The following KDM2A variants were observed in gnomAD, a reference collection of about 807,000 sequenced individuals.
KDM2A encodes lysine-specific demethylase 2A.
KDM2A carries 3 observed loss-of-function variants against 137.3 expected under a neutral mutation model. The ratio of observed to expected loss-of-function variants is 0.02; its 90% CI spans 0.01 to 0.06. The LOEUF is 0.06. KDM2A is among the 10% of genes least tolerant of loss of function. KDM2A has a pLI of 1.00. For synonymous variants in KDM2A, 512 were observed against 541.5 expected (o/e 0.95, Z 0.76); for missense variants, 738 against 1,510.6 (o/e 0.49, Z 8.48).
At chr11:67,242,055 CAG>C (rs1470472885) in intron 12 of KDM2A, among the ~76,000 whole-genome samples, 2 of 152,142 alleles carry the variant, frequency 1.3e-5, no homozygotes, top group East Asian at 1.9e-4. Flanking sequence ...GCCTGAGCAA[CAG>C]AGTGAGACTC....
chr11:67,163,112 T>G (rs568127609), intron 2 of KDM2A, among the ~76,000 whole-genome samples: 1 of 152,218 alleles, frequency 6.6e-6, no homozygotes. Flanking sequence ...CTAGTCAGAC[T>G]GATATCCAGA....
At chr11:67,177,214 C>G (rs531864434) in intron 2 of KDM2A, among the ~76,000 whole-genome samples, 1 of 152,086 alleles carries the variant, frequency 6.6e-6, no homozygotes, top group African/African-American at 2.4e-5. Context: ...TGCAGAGAGC[C>G]GAGATCACTC....
intron 2 of KDM2A, among the ~76,000 whole-genome samples, chr11:67,121,789 A>G (rs953089796): frequency 3.9e-5 from 6 of 152,182 alleles, no homozygotes; most frequent in Non-Finnish European, 8.8e-5. Flanking sequence ...TTGAGCGGGG[A>G]GAACTATGGA....
At chr11:67,189,087 C>A (rs1857280600) in intron 5 of KDM2A, among the ~76,000 whole-genome samples, 1 of 152,088 alleles carries the variant, frequency 6.6e-6, no homozygotes, top group African/African-American at 2.4e-5. Flanking sequence ...CAGACAGAAT[C>A]CTACCTAACA....
At chr11:67,253,873 A>C (rs1590834089) in intron 19 of KDM2A, among the ~76,000 whole-genome samples, 1 of 152,130 alleles carries the variant, frequency 6.6e-6, no homozygotes, top group Non-Finnish European at 1.5e-5. Flanking sequence ...AAGTCTGAGA[A>C]GGCTTTATGG....
intron 5 of KDM2A, among the ~76,000 whole-genome samples, chr11:67,200,431 A>G (rs887583017): frequency 6.6e-6 from 1 of 152,082 alleles, no homozygotes; most frequent in East Asian, 1.9e-4. Flanking sequence ...GTTAGCCAGG[A>G]TGATCGCGAT....
chr11:67,173,547 A>C (rs999290118), intron 2 of KDM2A, among the ~76,000 whole-genome samples: 1 of 151,610 alleles, frequency 6.6e-6, no homozygotes, highest in Non-Finnish European at 1.5e-5. Flanking sequence ...GTGAGCCACC[A>C]TGCCCAGCCA....
At chr11:67,251,289 A>G (rs1031975541) in intron 17 of KDM2A, among the ~76,000 whole-genome samples, 4 of 152,042 alleles carry the variant, frequency 2.6e-5, no homozygotes, top group Non-Finnish European at 4.4e-5. Context: ...GGTGCTTAAC[A>G]TTTTTCTTCA....
chr11:67,182,206 T>G (rs1284916881), intron 5 of KDM2A, among the ~76,000 whole-genome samples: 2 of 152,190 alleles, frequency 1.3e-5, no homozygotes, highest in East Asian at 3.8e-4. Context: ...GAAAGAAGTT[T>G]CATTAATATC....
chr11:67,175,911 C>G (rs1016157578), intron 2 of KDM2A, among the ~76,000 whole-genome samples: 2 of 152,082 alleles, frequency 1.3e-5, no homozygotes, highest in Non-Finnish European at 2.9e-5. Context: ...TCTTCAGAGA[C>G]ACATATACAA....
At chr11:67,209,957 G>C (rs1590788343) in intron 6 of KDM2A, among the ~76,000 whole-genome samples, 1 of 152,238 alleles carries the variant, frequency 6.6e-6, no homozygotes, top group Non-Finnish European at 1.5e-5. Context: ...TTACTCAAGA[G>C]ACCGAGGTGG....
intron 6 of KDM2A, among the ~76,000 whole-genome samples, chr11:67,209,745 A>G (rs1284050091): frequency 1.3e-5 from 2 of 152,080 alleles, no homozygotes; most frequent in African/African-American, 4.8e-5. Flanking sequence ...TACCCGGCCA[A>G]TTTCCAGAAT....
At chr11:67,151,557 G>A (rs1856391036) in intron 2 of KDM2A, among the ~76,000 whole-genome samples, 1 of 151,756 alleles carries the variant, frequency 6.6e-6, no homozygotes, top group Non-Finnish European at 1.5e-5. Flanking sequence ...CACCATGTTG[G>A]CCAGGCTGGT....
intron 16 of KDM2A, among the ~76,000 whole-genome samples, chr11:67,249,759 C>T (rs979885962): frequency 6.6e-6 from 1 of 152,168 alleles, no homozygotes; most frequent in Non-Finnish European, 1.5e-5. Context: ...GATCTTAGTT[C>T]AAATGGTATA....
At chr11:67,252,279 G>A (rs1350809431) in intron 17 of KDM2A, 1 of 200,494 alleles carries the variant, frequency 5.0e-6, no homozygotes, top group South Asian at 7.4e-5. Context: ...GGGAGGGAAC[G>A]GAGCAGGCCT....
intron 5 of KDM2A, among the ~76,000 whole-genome samples, chr11:67,201,222 G>GTGTGTA (rs1486543292): frequency 7.9e-6 from 1 of 126,638 alleles, no homozygotes; most frequent in African/African-American, 5.1e-5. Flanking sequence ...ATATATATGT[G>GTGTGTA]TGTGTGTGTG....
chr11:67,186,728 C>G (rs930487899), intron 5 of KDM2A, among the ~76,000 whole-genome samples: 1 of 152,144 alleles, frequency 6.6e-6, no homozygotes, highest in African/African-American at 2.4e-5. Flanking sequence ...TTGAGTGTAG[C>G]CCCACATTTT....
At chr11:67,207,796 A>ATCTGCCTCCCTT in intron 6 of KDM2A, 108 bp downstream of exon 6, 1 of 841,550 alleles carries the variant, frequency 1.2e-6, no homozygotes, top group Non-Finnish European at 1.8e-6. Context: ...AGGCCAAGGG[A>ATCTGCCTCCCTT]GGCAGATCGC....
intron 2 of KDM2A, among the ~76,000 whole-genome samples, chr11:67,168,206 A>G (rs754234839): frequency 2.6e-5 from 4 of 152,146 alleles, no homozygotes; most frequent in East Asian, 3.8e-4. Context: ...GATCACTGCT[A>G]TAGAGGAGCA....
Sources: allele counts gnomAD v4.1 joint callset (sites outside exome capture counted in the v4.1 genomes callset), GRCh38; gene constraint gnomAD v4.1.1; transcripts MANE v1.5; gene names NCBI Gene and HGNC (gene_info 2026-07-23, HGNC 2026-07-21).